KIF5C: variants seen among roughly 807,000 people sequenced by gnomAD.
The protein encoded by KIF5C is kinesin heavy chain isoform 5C.
Under a neutral mutation model 125.2 loss-of-function variants are expected in KIF5C, and 18 were observed. The observed-to-expected ratio is 0.14, with a 90% CI of 0.10 to 0.21. The LOEUF (loss-of-function observed/expected upper bound fraction) is 0.21, where lower values mean the gene tolerates loss of function less well. KIF5C is among the 10% of genes least tolerant of loss of function. KIF5C has a pLI of 1.00. For synonymous variants in KIF5C, 405 were observed against 434.0 expected (o/e 0.93, Z 0.83); for missense variants, 780 against 1,183.8 (o/e 0.66, Z 5.01).
intron 12 of KIF5C, among the ~76,000 whole-genome samples, chr2:148,976,973 C>T (rs971000618): frequency 2.0e-5 from 3 of 152,062 alleles, no homozygotes; most frequent in South Asian, 2.1e-4. Context: ...TCTTTAGAAC[C>T]GGCATCAGAG....
intron 1 of KIF5C, among the ~76,000 whole-genome samples, chr2:148,913,869 G>T (rs541358348): frequency 5.3e-4 from 79 of 149,204 alleles, no homozygotes; most frequent in African/African-American, 1.8e-3. Context: ...AAGAAGGTTT[G>T]TTTTTTTTTT....
At chr2:149,003,951 T>C (rs1162817326) in intron 21 of KIF5C, among the ~76,000 whole-genome samples, 1 of 151,974 alleles carries the variant, frequency 6.6e-6, no homozygotes, top group East Asian at 1.9e-4. Context: ...GCATGCAGGG[T>C]GGGCGCAGGT....
chr2:148,917,543 A>C (rs1681608666), intron 1 of KIF5C, among the ~76,000 whole-genome samples: 1 of 152,246 alleles, frequency 6.6e-6, no homozygotes, highest in East Asian at 1.9e-4. Context: ...GCTAGAGTAT[A>C]AAAGGGCATG....
intron 10 of KIF5C, among the ~76,000 whole-genome samples, chr2:148,961,628 A>G (rs990368639): frequency 6.6e-6 from 1 of 152,204 alleles, no homozygotes; most frequent in African/African-American, 2.4e-5. Flanking sequence ...AAAGGAGGGT[A>G]CTGAACATTT....
At chr2:148,930,029 T>C (rs1666869277) in intron 3 of KIF5C, among the ~76,000 whole-genome samples, 1 of 152,154 alleles carries the variant, frequency 6.6e-6, no homozygotes, top group South Asian at 2.1e-4. Flanking sequence ...TAGGAGAAGT[T>C]TGGTAAAATA....
At chr2:148,921,396 CAAT>C (rs1681780951) in intron 1 of KIF5C, among the ~76,000 whole-genome samples, 2 of 152,168 alleles carry the variant, frequency 1.3e-5, no homozygotes, top group Admixed American at 6.5e-5. Context: ...GGACACAAAG[CAAT>C]AATATCTTTC....
chr2:148,902,226 T>C (rs1257535948), intron 1 of KIF5C, among the ~76,000 whole-genome samples: 1 of 152,216 alleles, frequency 6.6e-6, no homozygotes, highest in Non-Finnish European at 1.5e-5. Flanking sequence ...TGTTCCTGGA[T>C]TCTCTCTTCT....
At chr2:148,954,409 C>T (rs1029356957) in intron 10 of KIF5C, among the ~76,000 whole-genome samples, 2 of 152,190 alleles carry the variant, frequency 1.3e-5, no homozygotes. Flanking sequence ...AATTACTCTT[C>T]TCAACTACTT....
chr2:148,915,227 G>C (rs181222314), intron 1 of KIF5C, among the ~76,000 whole-genome samples: 1 of 152,238 alleles, frequency 6.6e-6, no homozygotes, highest in East Asian at 1.9e-4. Context: ...CTCCTGTATC[G>C]TACACCATTT....
chr2:148,986,654 C>T (rs1377754314), intron 15 of KIF5C, among the ~76,000 whole-genome samples: 1 of 152,140 alleles, frequency 6.6e-6, no homozygotes. Flanking sequence ...GAATTTGTTT[C>T]AGTGGTTTTG....
rs1681893391 is a variant in KIF5C at position 148,924,005 on chromosome 2, T to C, written c.217+1778T>C. On this transcript the variant is annotated intron_variant, in intron 2 of 25. Transcript: ENST00000435030. This position sits in a 1 kb window ranked among gnomAD's most constrained non-coding sequence, Gnocchi z 4.0. ...AGCAGAATAAAATCAGGCGCTGACATGATATGACTAACAGACATTTCTAGG... is the reference window on the plus strand; with the variant it reads ...AGCAGAATAAAATCAGGCGCTGACACGATATGACTAACAGACATTTCTAGG... 6.6e-6 allele frequency among the ~76,000 whole-genome samples: 1 copy of C among 152,238 alleles called. No homozygotes were observed. Among genetic ancestry groups the C allele is most frequent in the South Asian group, 2.1e-4 (1 of 4,830 alleles).
chr2:148,881,129 C>A (rs1681337770), intron 1 of KIF5C, among the ~76,000 whole-genome samples: 1 of 152,072 alleles, frequency 6.6e-6, no homozygotes, highest in Non-Finnish European at 1.5e-5. Flanking sequence ...CCTCCTATGT[C>A]TCCTGTTCCC....
chr2:148,990,891 T>G, intron 15 of KIF5C, 119 bp from the exon 16 acceptor site: 3 of 1,435,366 alleles, frequency 2.1e-6, no homozygotes, highest in Non-Finnish European at 2.8e-6. Flanking sequence ...TGTCCTTTAA[T>G]TAGGATTCTG....
At chr2:148,937,108 C>T (rs1682307530) in intron 3 of KIF5C, among the ~76,000 whole-genome samples, 176 bp from the exon 4 acceptor site, 1 of 152,180 alleles carries the variant, frequency 6.6e-6, no homozygotes. Flanking sequence ...ATGAGTTTTT[C>T]CACCAACTTC....
At chr2:148,943,010 A>C (rs546374609) in intron 7 of KIF5C, among the ~76,000 whole-genome samples, 21 of 152,298 alleles carry the variant, frequency 1.4e-4, no homozygotes, top group African/African-American at 5.1e-4. Context: ...CTGGACCCTG[A>C]TAACAGCCTA....
intron 23 of KIF5C, 32 bp downstream of exon 23, chr2:149,008,099 C>A: frequency 6.3e-7 from 1 of 1,585,462 alleles, no homozygotes; most frequent in Non-Finnish European, 8.6e-7. Context: ...CCCTCTGATT[C>A]CCTCCTCTCT....
At chr2:148,929,816 A>AT (rs372504821) in intron 3 of KIF5C, among the ~76,000 whole-genome samples, 9,930 of 148,010 alleles carry the variant, frequency 0.067, 407 homozygotes, top group Middle Eastern at 0.19. Flanking sequence ...ACTGCACGGT[A>AT]TTTTTTTTTT....
Position 148,950,398 on chromosome 2 carries a change from A to G in KIF5C, c.904A>G (p.Ile302Val). The G allele has an allele frequency of 6.2e-7, 1 of 1,613,974 alleles. No homozygotes were observed. Among genetic ancestry groups the G allele is most frequent in the African/African-American group, 1.3e-5 (1 of 75,026 alleles). The change falls in exon 10 of 26, where the codon ATT (isoleucine) becomes GTT (valine). Residue 302 changes from isoleucine to valine, a missense_variant. Transcript: ENST00000435030. ...LGGNCRTTIV[I>V]CCSPSVFNEA... is the part of the protein sequence containing the mutation. ...TGGGAACTGCAGAACCACCATCGTC[A>G]TTTGCTGTTCTCCTTCTGTCTTCAA...
intron 1 of KIF5C, among the ~76,000 whole-genome samples, chr2:148,887,053 G>T (rs182480030): frequency 6.6e-5 from 10 of 152,194 alleles, no homozygotes; most frequent in African/African-American, 2.2e-4. Context: ...TGACTACTGG[G>T]CACCTGTAAT....
Sources: allele counts gnomAD v4.1 joint callset (sites outside exome capture counted in the v4.1 genomes callset), GRCh38; gene constraint gnomAD v4.1.1; non-coding constraint Gnocchi (gnomAD v3.1); transcripts MANE v1.5; gene names NCBI Gene and HGNC (gene_info 2026-07-23, HGNC 2026-07-21).